HIVEP3: variants seen among roughly 807,000 people sequenced by gnomAD.
HIVEP3 encodes the protein HIVEP zinc finger 3, also known as transcription factor HIVEP3.
HIVEP3 carries 49 observed loss-of-function variants against 152.8 expected under a neutral mutation model. That is an observed-to-expected ratio of 0.32 (90% confidence interval 0.26 to 0.41). The LOEUF is 0.41. Among genes scored for constraint, HIVEP3 ranks in the 10% least tolerant of loss-of-function variants. HIVEP3 has a pLI of 1.00. For synonymous variants in HIVEP3, 1,269 were observed against 1,289.0 expected (o/e 0.98, Z 0.33); for missense variants, 2,790 against 3,103.3 (o/e 0.90, Z 2.40).
intron 1 of HIVEP3, among the ~76,000 whole-genome samples, chr1:41,740,995 T>C (rs1304581330): frequency 1.3e-5 from 2 of 151,942 alleles, no homozygotes; most frequent in East Asian, 1.9e-4. Flanking sequence ...CCAGAGACGG[T>C]AGGGCAGGAA....
chr1:41,591,230 C>T (rs1224519683), intron 3 of HIVEP3, among the ~76,000 whole-genome samples: 2 of 152,152 alleles, frequency 1.3e-5, no homozygotes, highest in Non-Finnish European at 2.9e-5. Flanking sequence ...AAGTCCCGGG[C>T]ACACAGCTGG....
chr1:41,527,213 C>T (rs1210310866), intron 5 of HIVEP3, among the ~76,000 whole-genome samples: 2 of 113,924 alleles, frequency 1.8e-5, no homozygotes, highest in East Asian at 4.5e-4. Flanking sequence ...CACATGCTCA[C>T]CCTCACACAC....
intron 5 of HIVEP3, among the ~76,000 whole-genome samples, chr1:41,550,234 T>C (rs185853056): frequency 2.0e-4 from 30 of 152,340 alleles, no homozygotes; most frequent in African/African-American, 4.6e-4. Context: ...CATTGGTCTA[T>C]ATTTCTGTTT....
At chr1:41,529,979 C>A (rs1643195207) in intron 5 of HIVEP3, among the ~76,000 whole-genome samples, 1 of 144,876 alleles carries the variant, frequency 6.9e-6, no homozygotes, top group Non-Finnish European at 1.5e-5. Context: ...CACGCTCACA[C>A]CCATGCACAC....
chr1:41,847,286 A>C (rs542693066), intron 1 of HIVEP3: 1 of 152,366 alleles, frequency 6.6e-6, no homozygotes, highest in Admixed American at 6.5e-5. Context: ...TAAACAAAGG[A>C]TGCTGTAGCT....
chr1:41,558,143 C>T (rs973782773), intron 5 of HIVEP3, among the ~76,000 whole-genome samples: 1 of 152,188 alleles, frequency 6.6e-6, no homozygotes, highest in Non-Finnish European at 1.5e-5. Flanking sequence ...GAGGGAGTGG[C>T]CTCTCAGGTG....
At chr1:41,608,813 T>TGTAA (rs1644857175) in intron 3 of HIVEP3, among the ~76,000 whole-genome samples, 1 of 151,910 alleles carries the variant, frequency 6.6e-6, no homozygotes, top group African/African-American at 2.4e-5. Context: ...GGCTCACACC[T>TGTAA]GTAATCCCAG....
intron 1 of HIVEP3, among the ~76,000 whole-genome samples, chr1:41,907,398 A>G (rs137995738): frequency 3.7e-4 from 56 of 152,290 alleles, no homozygotes; most frequent in South Asian, 3.3e-3. Flanking sequence ...GAACTCTGGG[A>G]AAGATGGTAA....
intron 1 of HIVEP3, among the ~76,000 whole-genome samples, chr1:42,006,100 T>C (rs1233913586): frequency 6.6e-6 from 1 of 152,208 alleles, no homozygotes; most frequent in African/African-American, 2.4e-5. Flanking sequence ...TGCTAGATGT[T>C]TTCATGCAAT....
At chr1:41,648,022 T>C (rs7541822) in intron 2 of HIVEP3, among the ~76,000 whole-genome samples, 13,656 of 152,276 alleles carry the variant, frequency 0.09, 883 homozygotes, top group African/African-American at 0.18. Flanking sequence ...CCAGGAGCCC[T>C]ATCTGGGAAG....
At chr1:41,517,749 C>T (rs923753892) in intron 7 of HIVEP3, among the ~76,000 whole-genome samples, 10 of 152,330 alleles carry the variant, frequency 6.6e-5, no homozygotes, top group East Asian at 5.8e-4. Context: ...CCACTGGCTT[C>T]GACTCCTCTG....
At chr1:42,004,121 G>A (rs1645444934) in intron 1 of HIVEP3, among the ~76,000 whole-genome samples, 1 of 152,162 alleles carries the variant, frequency 6.6e-6, no homozygotes, top group Admixed American at 6.5e-5. Flanking sequence ...CACCAACCAG[G>A]TGGTGGAGCA....
At chr1:41,739,981 CG>C (rs1646973201) in intron 1 of HIVEP3, among the ~76,000 whole-genome samples, 1 of 152,236 alleles carries the variant, frequency 6.6e-6, no homozygotes, top group African/African-American at 2.4e-5. Context: ...CCCACAACCA[CG>C]GCATAACCAG....
chr1:41,583,466 G>A lies in HIVEP3; in HGVS notation c.1332C>T (p.Ser444=). The A allele has an allele frequency of 6.2e-7, 1 of 1,613,978 alleles. No homozygotes were observed. Among genetic ancestry groups the A allele is most frequent in the Non-Finnish European group, 8.5e-7 (1 of 1,179,954 alleles). Residue 444 remains serine (S), a synonymous_variant, in exon 4 of 9, where the codon TCC becomes TCT. Coordinates refer to ENST00000372583, the MANE Select transcript of HIVEP3 (RefSeq NM_024503.5). The surrounding 1 kb of genome is among the most constrained non-coding windows in gnomAD (Gnocchi z 6.9). The part of the protein sequence containing the change: ...ATSTQPLLPL[S]TEDKPSLVPL... ...GCACCAGGCTGGGCTTGTCTTCGGT[G>A]GACAGGGGCAGGAGGGGCTGGGTGG...
intron 5 of HIVEP3, among the ~76,000 whole-genome samples, chr1:41,567,476 C>T (rs990011580): frequency 6.6e-6 from 1 of 152,192 alleles, no homozygotes; most frequent in Non-Finnish European, 1.5e-5. Flanking sequence ...GGACACTTCA[C>T]TCCCCAGCCC....
At chr1:41,689,889 C>T (rs1646169568) in intron 2 of HIVEP3, among the ~76,000 whole-genome samples, 1 of 152,220 alleles carries the variant, frequency 6.6e-6, no homozygotes, top group South Asian at 2.1e-4. Flanking sequence ...GGCCTTGCAG[C>T]CTGTCGGCTC....
chr1:41,519,573 CA>C (rs1642701677), intron 6 of HIVEP3, among the ~76,000 whole-genome samples: 1 of 152,184 alleles, frequency 6.6e-6, no homozygotes, highest in Admixed American at 6.5e-5. Context: ...TCATTAACAT[CA>C]TAAGTCATAA....
intron 5 of HIVEP3, among the ~76,000 whole-genome samples, chr1:41,528,194 C>T (rs1446734222): frequency 9.8e-5 from 14 of 143,512 alleles, no homozygotes; most frequent in Admixed American, 8.9e-4. Context: ...CTCACCTTCA[C>T]ACACCCCTGC....
intron 5 of HIVEP3, among the ~76,000 whole-genome samples, chr1:41,568,290 A>C (rs1417757085): frequency 3.3e-5 from 5 of 152,192 alleles, no homozygotes; most frequent in African/African-American, 1.2e-4. Flanking sequence ...GGTGATGGAG[A>C]GAAGTGAGGG....
Sources: gnomAD v4.1 joint callset for allele counts (sites outside exome capture counted in the v4.1 genomes callset) on GRCh38, gnomAD v4.1.1 for gene constraint, Gnocchi (gnomAD v3.1) non-coding constraint, MANE v1.5 for transcripts, NCBI Gene and HGNC (gene_info 2026-07-23, HGNC 2026-07-21) for gene names.